ANKRD33B: variants seen among roughly 807,000 people sequenced by gnomAD.
ANKRD33B encodes the protein ankyrin repeat domain-containing protein 33B.
A neutral mutation model predicts 21.5 loss-of-function variants in ANKRD33B; 6 were observed. That is an observed-to-expected ratio of 0.28 (90% CI 0.15 to 0.55). The LOEUF (loss-of-function observed/expected upper bound fraction) is 0.55, where lower values mean the gene tolerates loss of function less well. ANKRD33B is among the 20% of genes least tolerant of loss of function. The pLI is 0.94. For synonymous variants in ANKRD33B, 347 were observed against 342.4 expected (o/e 1.01, Z -0.15); for missense variants, 698 against 747.2 (o/e 0.93, Z 0.77).
intron 3 of ANKRD33B, 128 bp downstream of exon 3, chr5:10,638,296 T>C: frequency 8.1e-7 from 1 of 1,227,516 alleles, no homozygotes; most frequent in East Asian, 2.6e-5. Flanking sequence ...AATAATAGTT[T>C]CTTCACTGAC....
rs1488443085 is a variant in ANKRD33B, at chr5:10,564,430, C to A, written c.-38C>A. The A allele has an allele frequency of 2.9e-6, 3 of 1,044,366 alleles. No homozygotes were observed. The African/African-American group carries it at 5.1e-5, about 18-fold the overall frequency. The allele number at this position is 1,044,366 out of a possible 1,614,324, so 64.7% of individuals were successfully genotyped here. On this transcript the variant is annotated 5_prime_UTR_variant, in exon 1 of 4. Coordinates refer to ENST00000296657, the MANE Select transcript of ANKRD33B (RefSeq NM_001164440.2). ...GCGCCCCGCGTCCCGCTCTTCCTGC[C>A]CGCGCCCCGGCCCCCGGCCCGCGCC...
chr5:10,587,046 G>T (rs977305061), intron 1 of ANKRD33B, among the ~76,000 whole-genome samples: 2 of 151,846 alleles, frequency 1.3e-5, no homozygotes, highest in African/African-American at 4.8e-5. Flanking sequence ...ATGGAGTCTC[G>T]CTCTGTCGCC....
Position 10,650,357 on chromosome 5 carries a change from G to A in ANKRD33B, c.*244G>A, listed in dbSNP as rs1472275534. On this transcript the variant is annotated 3_prime_UTR_variant, in exon 4 of 4. Coordinates refer to ENST00000296657, the MANE Select transcript of ANKRD33B (RefSeq NM_001164440.2). ...CACCTAGCGGGCACGTTGCCTAAAA[G>A]GCTCCCTTTAGAGAACCTCAATTAA... 2.9e-6 allele frequency: 1 copy of A among 342,542 alleles called. No individual in the cohort carries two copies. The highest frequency in any genetic ancestry group is 5.2e-6 in the Non-Finnish European group (1 of 192,484). 21.2% of individuals were successfully genotyped at this position (342,542 alleles called of 1,614,324 possible).
At chr5:10,615,769 G>A (rs908733094) in intron 1 of ANKRD33B, among the ~76,000 whole-genome samples, 7 of 152,328 alleles carry the variant, frequency 4.6e-5, no homozygotes, top group East Asian at 3.9e-4. Flanking sequence ...GGAAATTGTA[G>A]AATACTAGAG....
chr5:10,583,938 A>G (rs988554482), intron 1 of ANKRD33B, among the ~76,000 whole-genome samples: 1 of 152,178 alleles, frequency 6.6e-6, no homozygotes, highest in South Asian at 2.1e-4. Context: ...GTGTAATCTG[A>G]GGAGATTAAC....
chr5:10,622,136 A>G (rs918739769), intron 2 of ANKRD33B, among the ~76,000 whole-genome samples: 9 of 152,216 alleles, frequency 5.9e-5, no homozygotes, highest in Non-Finnish European at 7.3e-5. Context: ...ACCAGATACA[A>G]TGCAATTGCC....
chr5:10,592,450 TAAAAAAAAAA>T (rs35660672), intron 1 of ANKRD33B, among the ~76,000 whole-genome samples: 752 of 69,104 alleles, frequency 0.011, 5 homozygotes, highest in Middle Eastern at 0.032. Context: ...CCATCTCTAC[TAAAAAAAAAA>T]AAAAAAAAAA....
chr5:10,623,153 T>C (rs931994375), intron 2 of ANKRD33B, among the ~76,000 whole-genome samples: 4 of 152,132 alleles, frequency 2.6e-5, no homozygotes, highest in Non-Finnish European at 5.9e-5. Context: ...CTCGGGAGCT[T>C]AGTGCCCTCC....
chr5:10,566,443 G>A (rs1358578672), intron 1 of ANKRD33B, among the ~76,000 whole-genome samples: 1 of 152,072 alleles, frequency 6.6e-6, no homozygotes, highest in Non-Finnish European at 1.5e-5. Context: ...ATGGGGGCCC[G>A]CTTTAAAGGA....
chr5:10,583,046 GAGTGC>G (rs1473441895), intron 1 of ANKRD33B, among the ~76,000 whole-genome samples: 1 of 151,046 alleles, frequency 6.6e-6, no homozygotes, highest in Admixed American at 6.6e-5. Context: ...GCCCAGGCTG[GAGTGC>G]AGTGGGGCAA....
At chr5:10,603,560 G>A (rs1035034305) in intron 1 of ANKRD33B, among the ~76,000 whole-genome samples, 1 of 152,078 alleles carries the variant, frequency 6.6e-6, no homozygotes, top group Admixed American at 6.6e-5. Flanking sequence ...ACTGTGCCCA[G>A]CCCCATCCTT....
intron 1 of ANKRD33B, among the ~76,000 whole-genome samples, chr5:10,594,071 A>G (rs1310024299): frequency 3.3e-5 from 5 of 152,176 alleles, no homozygotes; most frequent in African/African-American, 1.2e-4. Context: ...CTCCAAGGGC[A>G]GGAATTCTCT....
chr5:10,595,061 A>G (rs1183114178), intron 1 of ANKRD33B, among the ~76,000 whole-genome samples: 1 of 152,156 alleles, frequency 6.6e-6, no homozygotes, highest in African/African-American at 2.4e-5. Context: ...CAGAGAGGAA[A>G]CACCAAACAT....
chr5:10,636,850 C>T (rs6868886), intron 2 of ANKRD33B, among the ~76,000 whole-genome samples: 63,737 of 152,038 alleles, frequency 0.42, 13,635 homozygotes, highest in Middle Eastern at 0.56. Context: ...GACAGTGGTT[C>T]TCACCTGGGG....
At chr5:10,613,540 CT>C (rs111337199) in intron 1 of ANKRD33B, among the ~76,000 whole-genome samples, 13,434 of 151,894 alleles carry the variant, frequency 0.088, 1,971 homozygotes, top group African/African-American at 0.31. Context: ...TGTTTGCTTA[CT>C]TTTTTCAATG....
chr5:10,635,969 G>A (rs1196781490), intron 2 of ANKRD33B, among the ~76,000 whole-genome samples: 1 of 152,356 alleles, frequency 6.6e-6, no homozygotes, highest in African/African-American at 2.4e-5. Flanking sequence ...TGCTCACGTA[G>A]TATTCTGTCT....
chr5:10,604,586 A>C (rs1004578009), intron 1 of ANKRD33B, among the ~76,000 whole-genome samples: 4 of 151,906 alleles, frequency 2.6e-5, no homozygotes, highest in Admixed American at 2.0e-4. Context: ...TGAAGTCCAG[A>C]GAGGAGATTT....
chr5:10,641,894 C>T (rs1737071524), intron 3 of ANKRD33B, among the ~76,000 whole-genome samples: 2 of 152,172 alleles, frequency 1.3e-5, no homozygotes, highest in Non-Finnish European at 2.9e-5. Flanking sequence ...ATATCAGTTT[C>T]AACAGAGTTT....
intron 1 of ANKRD33B, among the ~76,000 whole-genome samples, chr5:10,605,299 T>C (rs1431366701): frequency 6.6e-6 from 1 of 152,094 alleles, no homozygotes; most frequent in Admixed American, 6.6e-5. Context: ...GCATGGGAGG[T>C]GATCACCAAG....
Sources: allele counts gnomAD v4.1 joint callset (sites outside exome capture counted in the v4.1 genomes callset), GRCh38; gene constraint gnomAD v4.1.1; transcripts MANE v1.5; gene names NCBI Gene and HGNC (gene_info 2026-07-23, HGNC 2026-07-21).